The following LRRC4C variants were observed in gnomAD, a reference collection of about 807,000 sequenced individuals.
LRRC4C encodes the protein leucine-rich repeat-containing protein 4C.
In LRRC4C, 5 loss-of-function variants were observed where a neutral mutation model predicts 33.6. The observed-to-expected ratio is 0.15, with a 90% confidence interval of 0.08 to 0.31. The LOEUF (loss-of-function observed/expected upper bound fraction) is 0.31. Among genes scored for constraint, LRRC4C ranks in the 10% least tolerant of loss-of-function variants. LRRC4C has a pLI of 1.00. For missense variants in LRRC4C, 560 were observed against 796.7 expected (o/e 0.70, Z 3.58); for synonymous variants, 329 against 302.0 (o/e 1.09, Z -0.93).
chr11:40,665,112 C>T (rs1943653248), intron 2 of LRRC4C, among the ~76,000 whole-genome samples: 1 of 151,320 alleles, frequency 6.6e-6, no homozygotes, highest in African/African-American at 2.4e-5. Flanking sequence ...CTTTCAACCT[C>T]ATTTAACAAC....
chr11:40,910,311 C>CA (rs1418971725), intron 2 of LRRC4C, among the ~76,000 whole-genome samples: 6 of 150,596 alleles, frequency 4.0e-5, no homozygotes, highest in African/African-American at 1.5e-4. Flanking sequence ...TTACCCAAGA[C>CA]AAAAAAAGGA....
chr11:40,208,393 A>G (rs1863319426), intron 5 of LRRC4C, among the ~76,000 whole-genome samples: 1 of 152,214 alleles, frequency 6.6e-6, no homozygotes, highest in African/African-American at 2.4e-5. Flanking sequence ...CAGATGTGCA[A>G]AACAGCTTAA....
intron 2 of LRRC4C, among the ~76,000 whole-genome samples, chr11:40,869,654 C>A (rs1473732387): frequency 6.6e-6 from 1 of 152,106 alleles, no homozygotes; most frequent in Non-Finnish European, 1.5e-5. Flanking sequence ...TCAGTAAACA[C>A]ATGTGCTCAC....
intron 2 of LRRC4C, among the ~76,000 whole-genome samples, chr11:40,846,062 T>C (rs1953149154): frequency 6.6e-6 from 1 of 151,408 alleles, no homozygotes; most frequent in African/African-American, 2.4e-5. Flanking sequence ...GAGTTCCTTG[T>C]GGAGTCTGGA....
chr11:40,935,772 G>A (rs185946275), intron 1 of LRRC4C, among the ~76,000 whole-genome samples: 10 of 151,734 alleles, frequency 6.6e-5, no homozygotes, highest in East Asian at 1.9e-4. Context: ...GGTGGTTGAC[G>A]TTTTCAGATA....
At chr11:40,382,954 A>T (rs188748821) in intron 3 of LRRC4C, among the ~76,000 whole-genome samples, 67 of 152,002 alleles carry the variant, frequency 4.4e-4, no homozygotes, top group Admixed American at 4.3e-3. Context: ...CGGCCTCCCA[A>T]AGTACTGGGA....
intron 5 of LRRC4C, among the ~76,000 whole-genome samples, chr11:40,200,180 TAAAAAAAAAAAAAAAAAA>T (rs56269292): frequency 0.058 from 1,520 of 26,114 alleles, 65 homozygotes; most frequent in South Asian, 0.37. Context: ...CTGTCTCCAC[TAAAAAAAAAAAAAAAAAA>T]AAAAAAAAAA....
chr11:40,978,167 ATCT>A (rs1852222219), intron 1 of LRRC4C, among the ~76,000 whole-genome samples: 1 of 152,210 alleles, frequency 6.6e-6, no homozygotes, highest in East Asian at 1.9e-4. Flanking sequence ...GATCTTCCAA[ATCT>A]TCTCCTGTCT....
intron 3 of LRRC4C, among the ~76,000 whole-genome samples, chr11:40,499,980 C>G (rs1443188244): frequency 6.6e-6 from 1 of 152,086 alleles, no homozygotes; most frequent in African/African-American, 2.4e-5. Flanking sequence ...TGGGCCCTTA[C>G]CCATCCTCTG....
chr11:40,201,833 G>A (rs1418406122), intron 5 of LRRC4C, among the ~76,000 whole-genome samples: 1 of 152,128 alleles, frequency 6.6e-6, no homozygotes, highest in African/African-American at 2.4e-5. Flanking sequence ...GAAACGTGGG[G>A]TAGAAAATGA....
At chr11:41,348,786 A>G (rs1334223054) in intron 1 of LRRC4C, among the ~76,000 whole-genome samples, 1 of 152,166 alleles carries the variant, frequency 6.6e-6, no homozygotes, top group Non-Finnish European at 1.5e-5. Context: ...TCAACGAAAT[A>G]GGCATGGAGT....
chr11:41,363,184 A>G (rs1952416843), intron 1 of LRRC4C, among the ~76,000 whole-genome samples: 1 of 152,164 alleles, frequency 6.6e-6, no homozygotes, highest in Non-Finnish European at 1.5e-5. Context: ...CTCTAAGATA[A>G]TATTGGGCAT....
chr11:40,425,396 T>C (rs1950673797), intron 3 of LRRC4C, among the ~76,000 whole-genome samples: 1 of 152,188 alleles, frequency 6.6e-6, no homozygotes, highest in African/African-American at 2.4e-5. Flanking sequence ...GGATGAGGTA[T>C]TTTTGATGAC....
intron 4 of LRRC4C, among the ~76,000 whole-genome samples, chr11:40,284,584 A>T (rs1181405615): frequency 1.3e-5 from 2 of 152,236 alleles, no homozygotes; most frequent in Non-Finnish European, 2.9e-5. Flanking sequence ...AAAAATTGGC[A>T]TTATCAGAAA....
intron 3 of LRRC4C, among the ~76,000 whole-genome samples, chr11:40,328,451 G>GT (rs1023817815): frequency 2.0e-5 from 3 of 151,858 alleles, no homozygotes; most frequent in Admixed American, 6.6e-5. Context: ...CACATTGTGT[G>GT]TTTTTTTTCA....
rs535591694 is a variant in LRRC4C, at chr11:41,002,256, T to C, written c.-495-68533A>G. ...CAATCCATAAACTTATATTGAGAAG[T>C]GACTAATTTGGTGGTCCCTACCTTG... is the stretch of plus-strand genomic sequence containing the variant. On this transcript the variant is annotated intron_variant, in intron 1 of 6. Coordinates refer to ENST00000528697, the MANE Select transcript of LRRC4C (RefSeq NM_001258419.2). Among the ~76,000 whole-genome samples, 4 of 152,290 alleles carry C rather than the reference T, an allele frequency of 2.6e-5. No individual in the cohort carries two copies. In the South Asian group the frequency reaches 8.3e-4, roughly 32 times the overall value.
intron 2 of LRRC4C, among the ~76,000 whole-genome samples, chr11:40,705,035 C>T (rs1946079775): frequency 6.6e-6 from 1 of 151,680 alleles, no homozygotes; most frequent in African/African-American, 2.4e-5. Flanking sequence ...TACACACATA[C>T]ACACACACAC....
At chr11:40,970,899 G>A (rs185473074) in intron 1 of LRRC4C, among the ~76,000 whole-genome samples, 47 of 152,320 alleles carry the variant, frequency 3.1e-4, no homozygotes, top group Admixed American at 5.9e-4. Flanking sequence ...GAACTTGAAA[G>A]TGATGATTCA....
chr11:40,304,041 C>G (rs1944908391), intron 4 of LRRC4C, among the ~76,000 whole-genome samples: 1 of 152,142 alleles, frequency 6.6e-6, no homozygotes, highest in South Asian at 2.1e-4. Context: ...TCAAAGGTTC[C>G]TTTTGCAGTA....
Sources: gnomAD v4.1 joint callset for allele counts (sites outside exome capture counted in the v4.1 genomes callset) on GRCh38, gnomAD v4.1.1 for gene constraint, MANE v1.5 for transcripts, NCBI Gene and HGNC (gene_info 2026-07-23, HGNC 2026-07-21) for gene names.